The following ATP2B2 variants were observed in gnomAD, a reference collection of about 807,000 sequenced individuals.
ATP2B2 encodes the protein plasma membrane calcium-transporting ATPase 2.
In ATP2B2, 15 loss-of-function variants were observed where a neutral mutation model predicts 120.0. The observed-to-expected ratio is 0.12, with a 90% CI of 0.08 to 0.19. The LOEUF is 0.19. Among genes scored for constraint, ATP2B2 ranks in the 10% least tolerant of loss-of-function variants. The pLI, the probability that ATP2B2 is intolerant of heterozygous loss-of-function variation, is 1.00. For missense variants in ATP2B2, 1,045 were observed against 1,719.8 expected (o/e 0.61, Z 6.94); for synonymous variants, 694 against 700.3 (o/e 0.99, Z 0.14).
chr3:10,632,111 G>A (rs934252823), intron 1 of ATP2B2, among the ~76,000 whole-genome samples: 2 of 152,196 alleles, frequency 1.3e-5, no homozygotes, highest in African/African-American at 2.4e-5. Flanking sequence ...AGGAGCCATG[G>A]GCTGAATCCA....
chr3:10,353,936 G>A (rs1179786071), intron 14 of ATP2B2, among the ~76,000 whole-genome samples: 1 of 152,152 alleles, frequency 6.6e-6, no homozygotes, highest in Non-Finnish European at 1.5e-5. Flanking sequence ...GGCACACAGA[G>A]CCCACGCACA....
intron 1 of ATP2B2, among the ~76,000 whole-genome samples, chr3:10,677,490 T>C (rs1040515348): frequency 5.9e-5 from 9 of 152,290 alleles, no homozygotes; most frequent in Admixed American, 2.0e-4. Context: ...TATGTTGTTA[T>C]ACATTTGTCC....
intron 1 of ATP2B2, among the ~76,000 whole-genome samples, chr3:10,496,231 C>A (rs1038488503): frequency 6.6e-6 from 1 of 152,190 alleles, no homozygotes; most frequent in Non-Finnish European, 1.5e-5. Context: ...CCTTTGCATC[C>A]CAAATCCACA....
At chr3:10,651,077 A>G (rs533004955) in intron 1 of ATP2B2, among the ~76,000 whole-genome samples, 1 of 152,326 alleles carries the variant, frequency 6.6e-6, no homozygotes, top group South Asian at 2.1e-4. Context: ...GGAAGTAACT[A>G]GCTTGCTTTT....
At chr3:10,391,810 G>A (rs1005341322) in intron 5 of ATP2B2, among the ~76,000 whole-genome samples, 5 of 152,146 alleles carry the variant, frequency 3.3e-5, no homozygotes, top group African/African-American at 1.2e-4. Context: ...GCTCCCTGAG[G>A]TCCAAACCAC....
intron 1 of ATP2B2, among the ~76,000 whole-genome samples, chr3:10,459,421 C>G (rs2064393876): frequency 6.6e-6 from 1 of 152,220 alleles, no homozygotes; most frequent in African/African-American, 2.4e-5. Flanking sequence ...GATGGTGGCC[C>G]TGCCTGGGAT....
chr3:10,509,749 C>T (rs1195634137), upstream of ATP2B2, among the ~76,000 whole-genome samples: 4 of 152,186 alleles, frequency 2.6e-5, no homozygotes, highest in Admixed American at 1.3e-4. Flanking sequence ...ATGGAAGCCT[C>T]GCATCCACTC....
intron 1 of ATP2B2, among the ~76,000 whole-genome samples, chr3:10,456,723 C>A (rs1364099176): frequency 6.6e-6 from 1 of 152,240 alleles, no homozygotes; most frequent in African/African-American, 2.4e-5. Context: ...CTGGGGAGGC[C>A]TCCAGCTTGT....
chr3:10,512,464 G>GCACACACACACA (rs6147706), intron 3 of ATP2B2, among the ~76,000 whole-genome samples: 11 of 136,990 alleles, frequency 8.0e-5, no homozygotes, highest in East Asian at 6.8e-4. Context: ...AAGTGTGTGC[G>GCACACACACACA]CACACACACA....
chr3:10,554,115 C>T (rs1046515419), intron 2 of ATP2B2, among the ~76,000 whole-genome samples: 8 of 152,092 alleles, frequency 5.3e-5, no homozygotes, highest in African/African-American at 1.9e-4. Flanking sequence ...TAGAAATACC[C>T]CAGGAATAAA....
rs1394028943 is a variant in ATP2B2, at chr3:10,327,955, A to T, written c.*859T>A. On this transcript the variant is annotated 3_prime_UTR_variant, in exon 23 of 23. Transcript: ENST00000360273. ...GGCCGAGCTGTTTTTATAGCATCTC[A>T]GCCACCAGTGTTCTTAAACCATACA... The T allele has an allele frequency of 6.5e-6, 1 of 152,678 alleles. No individual in the cohort carries two copies. The highest frequency in any genetic ancestry group is 1.5e-5 in the Non-Finnish European group (1 of 68,046). The allele number at this position is 152,678 out of a possible 1,614,324, so 9.5% of individuals were successfully genotyped here.
chr3:10,384,574 T>G (rs902210091), intron 8 of ATP2B2, among the ~76,000 whole-genome samples: 1 of 152,186 alleles, frequency 6.6e-6, no homozygotes, highest in East Asian at 1.9e-4. Context: ...GAGATTAAGA[T>G]GCAGACACCA....
At chr3:10,426,423 G>A (rs1031320746) in intron 2 of ATP2B2, among the ~76,000 whole-genome samples, 5 of 152,190 alleles carry the variant, frequency 3.3e-5, no homozygotes, top group African/African-American at 1.2e-4. Context: ...TCTAAGACAG[G>A]CATTTTCAGG....
intron 2 of ATP2B2, among the ~76,000 whole-genome samples, chr3:10,560,090 C>G (rs1054960417): frequency 6.6e-6 from 1 of 152,156 alleles, no homozygotes; most frequent in Non-Finnish European, 1.5e-5. Flanking sequence ...ATCTAGCAGG[C>G]AATTAAATTT....
intron 1 of ATP2B2, among the ~76,000 whole-genome samples, chr3:10,490,075 G>T (rs533283125): frequency 6.6e-6 from 1 of 152,294 alleles, no homozygotes; most frequent in South Asian, 2.1e-4. Context: ...GCCCTCGTGG[G>T]GCCCTCTTGA....
At chr3:10,507,532 A>C (rs1312458376), upstream of ATP2B2, among the ~76,000 whole-genome samples, 1 of 152,194 alleles carries the variant, frequency 6.6e-6, no homozygotes. Context: ...AGACGGGCAG[A>C]GGCGGAAAGG....
At chr3:10,349,634 G>C (rs1354193560) in intron 16 of ATP2B2, among the ~76,000 whole-genome samples, 1 of 151,880 alleles carries the variant, frequency 6.6e-6, no homozygotes. Flanking sequence ...GTTGGTTGGG[G>C]GCCTCAGGGA....
intron 12 of ATP2B2, among the ~76,000 whole-genome samples, chr3:10,367,747 C>T (rs1333957478): frequency 6.6e-6 from 1 of 152,188 alleles, no homozygotes; most frequent in Non-Finnish European, 1.5e-5. Context: ...CGGCATGTGG[C>T]TTAACTGCTC....
intron 1 of ATP2B2, among the ~76,000 whole-genome samples, chr3:10,644,478 T>G (rs1288661102): frequency 6.6e-6 from 1 of 152,182 alleles, no homozygotes; most frequent in African/African-American, 2.4e-5. Context: ...ACAACAGCGC[T>G]GTTCACAAAA....
Sources: gnomAD v4.1 joint callset for allele counts (sites outside exome capture counted in the v4.1 genomes callset) on GRCh38, gnomAD v4.1.1 for gene constraint, MANE v1.5 for transcripts, NCBI Gene and HGNC (gene_info 2026-07-23, HGNC 2026-07-21) for gene names.